Variants in MGAT4C observed in about 807,000 individuals in gnomAD.
The protein encoded by MGAT4C is MGAT4 family member C.
MGAT4C carries 19 observed loss-of-function variants against 40.1 expected under a neutral mutation model. The observed-to-expected ratio is 0.47, with a 90% CI of 0.33 to 0.70. The LOEUF is 0.70. Among genes scored for constraint, MGAT4C ranks in the 30% least tolerant of loss-of-function variants. MGAT4C has a pLI of 0.02. For synonymous variants in MGAT4C, 181 were observed against 187.1 expected (o/e 0.97, Z 0.27); for missense variants, 491 against 563.2 (o/e 0.87, Z 1.30).
At chr12:86,191,107 AC>A (rs1174350153) in intron 1 of MGAT4C, among the ~76,000 whole-genome samples, 1 of 146,834 alleles carries the variant, frequency 6.8e-6, no homozygotes, top group African/African-American at 2.6e-5. Context: ...ACACACACAC[AC>A]ACACACACAC....
chr12:86,586,065 G>C (rs922360278), intron 2 of MGAT4C, among the ~76,000 whole-genome samples: 2 of 146,324 alleles, frequency 1.4e-5, no homozygotes, highest in African/African-American at 5.0e-5. Context: ...TCCTCATTTA[G>C]CATTAGGTAT....
Position 86,535,439 on chromosome 12 carries a change from A to G in MGAT4C, c.-228-100174T>C, listed in dbSNP as rs560143781. 1.1e-4 allele frequency among the ~76,000 whole-genome samples: 16 copies of G among 152,190 alleles called. No homozygotes were observed. In the South Asian group the frequency reaches 3.3e-3, roughly 32 times the overall value. Reference sequence around the variant, plus strand: ...ATCTTAACAATACATTATGTATTAAAGTTTTTTAAACCCTGTGTTCACTGT... The same window carrying G: ...ATCTTAACAATACATTATGTATTAAGGTTTTTTAAACCCTGTGTTCACTGT... On this transcript the variant is annotated intron_variant, in intron 2 of 7. Coordinates refer to the MGAT4C transcript ENST00000548651.
chr12:86,578,787 T>C (rs567609808), intron 2 of MGAT4C, among the ~76,000 whole-genome samples: 6 of 151,784 alleles, frequency 4.0e-5, no homozygotes, highest in African/African-American at 1.2e-4. Flanking sequence ...GTCAATTTTG[T>C]TTAAATTTTC....
chr12:86,651,725 G>A (rs1184590970), intron 2 of MGAT4C, among the ~76,000 whole-genome samples: 3 of 151,852 alleles, frequency 2.0e-5, no homozygotes, highest in East Asian at 1.9e-4. Flanking sequence ...AAAAAAGGTG[G>A]ATGGGTGATT....
chr12:86,299,261 C>T (rs1014191797), intron 4 of MGAT4C, among the ~76,000 whole-genome samples: 1 of 152,098 alleles, frequency 6.6e-6, no homozygotes, highest in Non-Finnish European at 1.5e-5. Flanking sequence ...GGACTACAAG[C>T]GCATGCCACC....
intron 3 of MGAT4C, among the ~76,000 whole-genome samples, chr12:86,335,298 T>C (rs937191529): frequency 1.3e-5 from 2 of 152,126 alleles, no homozygotes; most frequent in Admixed American, 1.3e-4. Flanking sequence ...CCCTTTGAGA[T>C]GTAAATCTTC....
At chr12:86,825,840 T>TA (rs931237677) in intron 1 of MGAT4C, among the ~76,000 whole-genome samples, 6 of 151,242 alleles carry the variant, frequency 4.0e-5, no homozygotes, top group African/African-American at 1.5e-4. Context: ...GGAGGTGAAA[T>TA]AAAAAATATC....
intron 2 of MGAT4C, among the ~76,000 whole-genome samples, chr12:86,658,804 T>G (rs1963908541): frequency 6.6e-6 from 1 of 152,142 alleles, no homozygotes; most frequent in South Asian, 2.1e-4. Context: ...ACTTTAGGTT[T>G]GGCCATGTGA....
chr12:86,124,976 C>T (rs938650773), intron 1 of MGAT4C, among the ~76,000 whole-genome samples: 9 of 152,130 alleles, frequency 5.9e-5, no homozygotes, highest in African/African-American at 2.2e-4. Flanking sequence ...ATATAGGACG[C>T]TACAAAAGTG....
At chr12:86,441,686 T>A (rs1054581756) in intron 2 of MGAT4C, among the ~76,000 whole-genome samples, 2 of 152,066 alleles carry the variant, frequency 1.3e-5, no homozygotes, top group African/African-American at 4.8e-5. Flanking sequence ...CTCATCTTTT[T>A]TATGGCTGCA....
intron 2 of MGAT4C, among the ~76,000 whole-genome samples, chr12:86,623,445 T>G (rs949468124): frequency 1.3e-5 from 2 of 152,166 alleles, no homozygotes; most frequent in African/African-American, 4.8e-5. Context: ...TTATCAGTTT[T>G]TTTTAAAATG....
chr12:86,699,145 G>A (rs1950311713), intron 2 of MGAT4C, among the ~76,000 whole-genome samples: 1 of 151,972 alleles, frequency 6.6e-6, no homozygotes, highest in African/African-American at 2.4e-5. Context: ...ATTCAAATGA[G>A]GTAGATAAAT....
At chr12:86,534,371 C>A (rs778658024) in intron 2 of MGAT4C, among the ~76,000 whole-genome samples, 1 of 152,016 alleles carries the variant, frequency 6.6e-6, no homozygotes, top group Non-Finnish European at 1.5e-5. Flanking sequence ...AGTTGTCCTG[C>A]CTTTCTGAAC....
At chr12:86,737,718 A>G (rs1253115190) in intron 1 of MGAT4C, among the ~76,000 whole-genome samples, 1 of 151,350 alleles carries the variant, frequency 6.6e-6, no homozygotes, top group African/African-American at 2.4e-5. Flanking sequence ...GTCTTCACCA[A>G]CACAGTCAAT....
At chr12:86,053,904 C>T (rs1893131871) in intron 1 of MGAT4C, among the ~76,000 whole-genome samples, 1 of 151,752 alleles carries the variant, frequency 6.6e-6, no homozygotes, top group African/African-American at 2.4e-5. Context: ...TATCACCTGA[C>T]CTGTTAGAAT....
Position 86,387,890 on chromosome 12 carries a change from T to A in MGAT4C, c.-120+47267A>T, listed in dbSNP as rs180820777. Among the ~76,000 whole-genome samples the A allele has an allele frequency of 2.5e-4, 38 of 152,268 alleles. No homozygotes were observed. The East Asian group carries it at 7.1e-3, about 29-fold the overall frequency. ...AATCATAATTTGATGAATGTGTATA[T>A]CTGAAAGGCACTATGACAAAATACT... On this transcript the variant is annotated intron_variant, in intron 3 of 7. Transcript: ENST00000548651.
chr12:86,232,516 CTATT>C (rs1177974113), intron 1 of MGAT4C, among the ~76,000 whole-genome samples: 2 of 152,164 alleles, frequency 1.3e-5, no homozygotes, highest in African/African-American at 4.8e-5. Context: ...TGTCCTTAGA[CTATT>C]TATTCTCTCT....
At chr12:86,059,076 A>T (rs1266798413) in intron 1 of MGAT4C, among the ~76,000 whole-genome samples, 1 of 152,084 alleles carries the variant, frequency 6.6e-6, no homozygotes, top group African/African-American at 2.4e-5. Context: ...ACAGAGTCTC[A>T]CTTTGTCTCC....
At chr12:86,388,069 A>G (rs1956090043) in intron 3 of MGAT4C, among the ~76,000 whole-genome samples, 2 of 152,170 alleles carry the variant, frequency 1.3e-5, no homozygotes, top group South Asian at 4.1e-4. Flanking sequence ...TTTTAATAAT[A>G]TAAATATTCA....
Sources: allele counts gnomAD v4.1 joint callset (sites outside exome capture counted in the v4.1 genomes callset), GRCh38; gene constraint gnomAD v4.1.1; transcripts MANE v1.5; gene names NCBI Gene and HGNC (gene_info 2026-07-23, HGNC 2026-07-21).